TRIO: variants seen among roughly 807,000 people sequenced by gnomAD.
TRIO encodes the protein triple functional domain protein.
Under a neutral mutation model 351.9 loss-of-function variants are expected in TRIO, and 58 were observed. The observed-to-expected ratio is 0.16, with a 90% CI of 0.13 to 0.21. TRIO has a LOEUF of 0.21. Among genes scored for constraint, TRIO ranks in the 10% least tolerant of loss-of-function variants. The probability of loss-of-function intolerance (pLI) is 1.00; values close to 1 mark genes in which losing one functional copy is unlikely to be tolerated. For missense variants in TRIO, 3,201 were observed against 4,027.8 expected (o/e 0.79, Z 5.56); for synonymous variants, 1,758 against 1,595.7 (o/e 1.10, Z -2.42).
At chr5:14,375,355 G>A (rs1745462520) in intron 19 of TRIO, among the ~76,000 whole-genome samples, 2 of 151,730 alleles carry the variant, frequency 1.3e-5, no homozygotes, top group Admixed American at 6.6e-5. Flanking sequence ...TGTTGGTTGT[G>A]TCCTGTCTTT....
At chr5:14,463,531 A>G (rs1753989648) in intron 36 of TRIO, among the ~76,000 whole-genome samples, 1 of 152,040 alleles carries the variant, frequency 6.6e-6, no homozygotes, top group Non-Finnish European at 1.5e-5. Flanking sequence ...ACGTAGTCTA[A>G]AATTATTTTG....
intron 1 of TRIO, among the ~76,000 whole-genome samples, chr5:14,213,224 C>T (rs1792020509): frequency 6.6e-6 from 1 of 151,964 alleles, no homozygotes; most frequent in Non-Finnish European, 1.5e-5. Context: ...CTTCTCCTCC[C>T]TCCTCTTTTC....
At chr5:14,302,355 A>G (rs138267233) in intron 7 of TRIO, among the ~76,000 whole-genome samples, 1 of 152,328 alleles carries the variant, frequency 6.6e-6, no homozygotes, top group East Asian at 1.9e-4. Flanking sequence ...GGAGCGCTTA[A>G]TTGCTGACTT....
chr5:14,388,138 C>T lies in TRIO; in HGVS notation c.3881+291C>T, dbSNP rs556556930. On this transcript the variant is annotated intron_variant, in intron 23 of 56. Transcript: ENST00000344204. ...GAGAGGAAATTAATAGTTTTTATCA[C>T]GCCTAAAACAAATTTAGTTGTGTAA... 3.9e-5 allele frequency among the ~76,000 whole-genome samples: 6 copies of T among 152,282 alleles called. 1 individual carries two copies. The highest frequency in any genetic ancestry group is 4.1e-4 in the South Asian group (2 of 4,822).
chr5:14,147,339 C>A (rs1385903682), intron 1 of TRIO, among the ~76,000 whole-genome samples: 1 of 152,140 alleles, frequency 6.6e-6, no homozygotes, highest in East Asian at 1.9e-4. Context: ...ACGTTGCTTA[C>A]ATTAGTTCTC....
Position 14,461,263 on chromosome 5 carries a change from G to C in TRIO, c.5448G>C (p.Lys1816Asn). 6.3e-7 allele frequency: 1 copy of C among 1,597,204 alleles called. No homozygotes were observed. Among genetic ancestry groups the C allele is most frequent in the East Asian group, 2.3e-5 (1 of 44,316 alleles). The change falls in exon 35 of 57, where the codon AAG becomes AAC. Residue 1816 changes from lysine (K) to asparagine (N), a missense_variant. Around this residue, in one of 19 missense-constraint regions of TRIO, gnomAD observed 193 missense variants for 218.8 expected, o/e 0.88. Coordinates refer to ENST00000344204, the MANE Select transcript of TRIO (RefSeq NM_007118.4). ...AGAGCGCCGACGCCGGCTCGCAGAA[G>C]GACTCCGACGACAGTGCGGCCACCC... ...VRKSADAGSQKDSDDSAATPQ... is the reference protein window; with the variant it reads ...VRKSADAGSQNDSDDSAATPQ...
chr5:14,217,226 C>T (rs1792280932), intron 1 of TRIO, among the ~76,000 whole-genome samples: 1 of 152,178 alleles, frequency 6.6e-6, no homozygotes, highest in Admixed American at 6.5e-5. Context: ...TCCTGAGAGC[C>T]ACTGTACAGA....
intron 34 of TRIO, among the ~76,000 whole-genome samples, chr5:14,429,839 A>T (rs1750943254): frequency 1.3e-5 from 2 of 152,066 alleles, no homozygotes; most frequent in African/African-American, 2.4e-5. Context: ...ATAGATAAGC[A>T]TTTCTCCCTC....
At chr5:14,280,578 T>C in intron 3 of TRIO, 142 bp downstream of exon 3, 1 of 726,748 alleles carries the variant, frequency 1.4e-6, no homozygotes, top group Middle Eastern at 3.0e-4. Flanking sequence ...TTCACCTTAT[T>C]ACCATTTTGT....
chr5:14,388,500 C>A, intron 23 of TRIO, 113 bp from the exon 24 acceptor site: 2 of 1,012,436 alleles, frequency 2.0e-6, no homozygotes, highest in Non-Finnish European at 3.0e-6. Flanking sequence ...CCAAAATGAT[C>A]AATCTAAGAC....
In TRIO at chr5:14,487,770, C is replaced by T. The variant is rs1756066534; in HGVS notation, c.7142C>T (p.Ala2381Val). ...GGGCCCTCCCTGCCTCCCCCTGGCG[C>T]GGCCCCCGAGGCCGGCCCCAGCGCG... is the stretch of plus-strand genomic sequence containing the variant. ...TPGPSLPPPG[A>V]APEAGPSAPS... Residue 2381 changes from alanine (A) to valine (V), a missense_variant, in exon 48 of 57, where the codon GCG becomes GTG. By Grantham distance (64) the Ala-to-Val change is moderately conservative. Around this residue, in one of 19 missense-constraint regions of TRIO, gnomAD observed 1,089 missense variants for 954.9 expected, o/e 1.14. Transcript: ENST00000344204. The T allele has an allele frequency of 1.5e-6, 2 of 1,369,488 alleles. No homozygotes were observed. Among genetic ancestry groups the T allele is most frequent in the South Asian group, 3.4e-5 (2 of 58,436 alleles). The allele number at this position is 1,369,488 out of a possible 1,614,324, so 84.8% of individuals were successfully genotyped here.
chr5:14,233,316 TA>T (rs35925373), intron 1 of TRIO, among the ~76,000 whole-genome samples: 33,892 of 108,834 alleles, frequency 0.31, 4,851 homozygotes, highest in East Asian at 0.47. Flanking sequence ...CCTCGTCTCT[TA>T]AAAAAAAAAA....
intron 33 of TRIO, among the ~76,000 whole-genome samples, chr5:14,410,284 G>A (rs184933793): frequency 6.6e-6 from 1 of 152,090 alleles, no homozygotes; most frequent in East Asian, 2.0e-4. Flanking sequence ...CTGCGTTTGT[G>A]TGTGCTCTGC....
chr5:14,463,559 C>A (rs1753992115), intron 36 of TRIO, among the ~76,000 whole-genome samples: 1 of 152,068 alleles, frequency 6.6e-6, no homozygotes, highest in African/African-American at 2.4e-5. Flanking sequence ...AATTGTAGAG[C>A]CCTAAAAAAT....
At chr5:14,241,918 T>A (rs1794150590) in intron 1 of TRIO, among the ~76,000 whole-genome samples, 1 of 152,194 alleles carries the variant, frequency 6.6e-6, no homozygotes, top group African/African-American at 2.4e-5. Context: ...GTGCTATGAT[T>A]TTTGAAGTTA....
At chr5:14,160,759 T>C (rs551988990) in intron 1 of TRIO, among the ~76,000 whole-genome samples, 2 of 152,242 alleles carry the variant, frequency 1.3e-5, no homozygotes, top group Middle Eastern at 3.2e-3. Context: ...ATTTTACTTG[T>C]GTTACAGGTG....
chr5:14,487,750 CT>C lies in TRIO; in HGVS notation c.7123del (p.Ser2375ProfsTer38). 1 of 1,397,926 alleles carries C rather than the reference CT, an allele frequency of 7.2e-7. No homozygotes were observed. Among genetic ancestry groups the C allele is most frequent in the Non-Finnish European group, 9.3e-7 (1 of 1,071,080 alleles). The allele number at this position is 1,397,926 out of a possible 1,614,324, so 86.6% of individuals were successfully genotyped here. ...TGTCAGGTACGTCCACCCCCGGGCC[CT>C]CCCTGCCTCCCCCTGGCGCGGCCCC... ...KMSGTSTPGPSLPPPGAAPEA... is the reference protein window; with the variant it reads ...KMSGTSTPGPXLPPPGAAPEA... On this transcript the variant is annotated frameshift_variant, in exon 48 of 57. Transcript: ENST00000344204. LOFTEE classifies it high-confidence loss of function.
intron 18 of TRIO, 75 bp from the exon 19 acceptor site, chr5:14,374,154 G>C: frequency 9.6e-7 from 1 of 1,036,808 alleles, no homozygotes; most frequent in Non-Finnish European, 1.5e-6. Flanking sequence ...ATACGTTAGA[G>C]TGCAGTGATG....
chr5:14,150,718 T>G (rs1179975614), intron 1 of TRIO, among the ~76,000 whole-genome samples: 2 of 152,238 alleles, frequency 1.3e-5, no homozygotes, highest in African/African-American at 4.8e-5. Context: ...GTAATTATTC[T>G]CTAAGTAAAC....
Sources: allele counts gnomAD v4.1 joint callset (sites outside exome capture counted in the v4.1 genomes callset), GRCh38; gene constraint gnomAD v4.1.1; regional missense constraint gnomAD v4.1.1; transcripts MANE v1.5; gene names NCBI Gene and HGNC (gene_info 2026-07-23, HGNC 2026-07-21).